The following MED27 variants were observed in gnomAD, a reference collection of about 807,000 sequenced individuals.
The protein encoded by MED27 is mediator of RNA polymerase II transcription subunit 27.
A neutral mutation model predicts 38.2 loss-of-function variants in MED27; 30 were observed. That is an observed-to-expected ratio of 0.79 (90% CI 0.59 to 1.07). The LOEUF (loss-of-function observed/expected upper bound fraction) is 1.07, where lower values mean the gene tolerates loss of function less well. MED27 is among the 50% of genes least tolerant of loss of function. MED27 has a pLI of 0.00. For synonymous variants in MED27, 122 were observed against 153.5 expected (o/e 0.79, Z 1.52); for missense variants, 289 against 397.5 (o/e 0.73, Z 2.32).
chr9:132,034,988 ATGAG>A (rs1233550917), intron 2 of MED27, among the ~76,000 whole-genome samples: 1 of 152,180 alleles, frequency 6.6e-6, no homozygotes, highest in Non-Finnish European at 1.5e-5. Flanking sequence ...CCCCCCTCAA[ATGAG>A]TAGTATGTAA....
chr9:131,875,910 C>T (rs1589175662), intron 6 of MED27, among the ~76,000 whole-genome samples: 1 of 152,222 alleles, frequency 6.6e-6, no homozygotes, highest in Non-Finnish European at 1.5e-5. Flanking sequence ...CGCCCGGCTG[C>T]GTCTCTGTTT....
At chr9:131,963,994 G>A (rs997720752) in intron 3 of MED27, among the ~76,000 whole-genome samples, 1 of 152,070 alleles carries the variant, frequency 6.6e-6, no homozygotes, top group Admixed American at 6.5e-5. Flanking sequence ...GAATAAGTGA[G>A]TGTGCCCTTC....
chr9:131,957,913 G>T (rs1349175348), intron 3 of MED27, among the ~76,000 whole-genome samples: 2 of 148,630 alleles, frequency 1.3e-5, no homozygotes, highest in Admixed American at 6.7e-5. Context: ...AAAAAAAAAA[G>T]AAAGAAAAAA....
chr9:131,956,458 A>G (rs1256775249), intron 3 of MED27, among the ~76,000 whole-genome samples: 1 of 152,140 alleles, frequency 6.6e-6, no homozygotes, highest in Non-Finnish European at 1.5e-5. Flanking sequence ...TCTACTAAAA[A>G]TACAAATATT....
chr9:131,904,118 C>T (rs1295086028), intron 4 of MED27, among the ~76,000 whole-genome samples: 1 of 152,150 alleles, frequency 6.6e-6, no homozygotes, highest in Non-Finnish European at 1.5e-5. Context: ...TCAGGCTGGT[C>T]TCAAACTCCT....
intron 3 of MED27, among the ~76,000 whole-genome samples, chr9:131,983,279 C>G (rs930031391): frequency 1.3e-5 from 2 of 152,192 alleles, no homozygotes; most frequent in Non-Finnish European, 2.9e-5. Flanking sequence ...GCTCCTGTTA[C>G]TGGATTCAAT....
At chr9:131,980,561 T>C (rs567679663) in intron 3 of MED27, among the ~76,000 whole-genome samples, 1 of 152,254 alleles carries the variant, frequency 6.6e-6, no homozygotes, top group East Asian at 1.9e-4. Flanking sequence ...AAATAATACA[T>C]CACTCTTCAC....
At chr9:131,984,670 A>G (rs566681370) in intron 3 of MED27, among the ~76,000 whole-genome samples, 9 of 152,306 alleles carry the variant, frequency 5.9e-5, no homozygotes, top group African/African-American at 2.2e-4. Flanking sequence ...AAAAACTACA[A>G]TAAGGAGAAA....
At chr9:131,873,746 T>C (rs1452035233) in intron 6 of MED27, among the ~76,000 whole-genome samples, 1 of 152,204 alleles carries the variant, frequency 6.6e-6, no homozygotes, top group Non-Finnish European at 1.5e-5. Context: ...TGCTGCTCCA[T>C]CTTGTCCGAA....
chr9:131,958,267 T>TG (rs1831145436), intron 3 of MED27, among the ~76,000 whole-genome samples: 2 of 151,016 alleles, frequency 1.3e-5, no homozygotes, highest in South Asian at 4.2e-4. Flanking sequence ...TTTTTTGAGA[T>TG]GGAGTCTTGC....
At chr9:131,968,675 A>G (rs367808943) in intron 3 of MED27, among the ~76,000 whole-genome samples, 1 of 152,072 alleles carries the variant, frequency 6.6e-6, no homozygotes, top group African/African-American at 2.4e-5. Flanking sequence ...AGGACTCCCT[A>G]ATGGAAACAC....
Position 131,961,728 on chromosome 9 carries a change from C to T in MED27, c.480-22254G>A, listed in dbSNP as rs373965502. On this transcript the variant is annotated intron_variant, in intron 3 of 7. Coordinates refer to ENST00000292035, the MANE Select transcript of MED27 (RefSeq NM_004269.4). Reference sequence around the variant, plus strand: ...GAGGCGCTGCTTTCTACAGTCCCTTCCCACTTAGGGTAGCACAGCCTGGCC... The same window carrying T: ...GAGGCGCTGCTTTCTACAGTCCCTTTCCACTTAGGGTAGCACAGCCTGGCC... Among the ~76,000 whole-genome samples the T allele has an allele frequency of 5.9e-5, 9 of 152,324 alleles. No homozygotes were observed. The East Asian group carries it at 1.5e-3, about 26-fold the overall frequency.
At chr9:131,928,133 C>T (rs541689683) in intron 4 of MED27, among the ~76,000 whole-genome samples, 3 of 152,188 alleles carry the variant, frequency 2.0e-5, no homozygotes, top group East Asian at 1.9e-4. Flanking sequence ...TAACAGGAGC[C>T]GCTCTGGACA....
At chr9:132,012,286 C>T (rs1170199467) in intron 3 of MED27, among the ~76,000 whole-genome samples, 1 of 152,236 alleles carries the variant, frequency 6.6e-6, no homozygotes, top group African/African-American at 2.4e-5. Context: ...ACCAAATCGA[C>T]ACATGAGAAA....
intron 6 of MED27, among the ~76,000 whole-genome samples, chr9:131,873,483 G>A (rs1304323198): frequency 1.3e-5 from 2 of 152,168 alleles, no homozygotes; most frequent in East Asian, 1.9e-4. Context: ...TGCAGCTCTC[G>A]TCTCTAATCT....
intron 4 of MED27, among the ~76,000 whole-genome samples, chr9:131,919,718 C>T (rs1830355324): frequency 6.6e-6 from 1 of 152,004 alleles, no homozygotes; most frequent in Non-Finnish European, 1.5e-5. Context: ...AAACCTCTAG[C>T]ATCAGGTCAC....
intron 6 of MED27, among the ~76,000 whole-genome samples, chr9:131,873,442 A>G (rs943168900): frequency 3.3e-5 from 5 of 152,214 alleles, no homozygotes; most frequent in Admixed American, 3.3e-4. Flanking sequence ...AAAGTACAGT[A>G]GAGCGGAAGC....
rs1831749626 is a variant in MED27 at position 131,982,089 on chromosome 9, G to A, written c.479+32248C>T. Reference sequence around the variant, plus strand: ...TAGTCTGTTTCACTCATGGTCCCCGGTGGAACACTTCCCAGTATTTATGCC... The same window carrying A: ...TAGTCTGTTTCACTCATGGTCCCCGATGGAACACTTCCCAGTATTTATGCC... On this transcript the variant is annotated intron_variant, in intron 3 of 7. Transcript: ENST00000292035. The surrounding 1 kb of genome is among the most constrained non-coding windows in gnomAD (Gnocchi z 4.3). Among the ~76,000 whole-genome samples the A allele has an allele frequency of 6.6e-6, 1 of 152,210 alleles. No individual in the cohort carries two copies. The highest frequency in any genetic ancestry group is 2.1e-4 in the South Asian group (1 of 4,820).
chr9:132,002,678 G>A (rs1289914466), intron 3 of MED27, among the ~76,000 whole-genome samples: 1 of 152,148 alleles, frequency 6.6e-6, no homozygotes, highest in African/African-American at 2.4e-5. Flanking sequence ...TTGGGAGGCT[G>A]AGGCAAGCGG....
Sources: gnomAD v4.1 joint callset for allele counts (sites outside exome capture counted in the v4.1 genomes callset) on GRCh38, gnomAD v4.1.1 for gene constraint, Gnocchi (gnomAD v3.1) non-coding constraint, MANE v1.5 for transcripts, NCBI Gene and HGNC (gene_info 2026-07-23, HGNC 2026-07-21) for gene names.